IGSF22: variants seen among roughly 807,000 people sequenced by gnomAD.
IGSF22 encodes the protein immunoglobulin superfamily, member 22.
Under a neutral mutation model 127.0 loss-of-function variants are expected in IGSF22, and 119 were observed. That is an observed-to-expected ratio of 0.94 (90% CI 0.81 to 1.09). The LOEUF (loss-of-function observed/expected upper bound fraction) is 1.09, where lower values mean the gene tolerates loss of function less well. Ranked by LOEUF, IGSF22 falls within the 50% of genes least tolerant of loss-of-function variation. The pLI is 0.00. For synonymous variants in IGSF22, 568 were observed against 664.7 expected, an observed-to-expected ratio of 0.85 and a Z score of 2.24; for missense variants, 1,518 against 1,716.6, an observed-to-expected ratio of 0.88 and a Z score of 2.04.
rs376773770 is a variant in IGSF22 at position 18,722,651 on chromosome 11, TACAG to T, written c.110-614_110-611del. Among the ~76,000 whole-genome samples the T allele has an allele frequency of 7.1e-3, 1,089 of 152,338 alleles. 4 individuals carry two copies. Among genetic ancestry groups the T allele is most frequent in the Non-Finnish European group, 9.8e-3 (670 of 68,030 alleles). ...AAAAACTGTTTTTGCAGTATAAAACTACAGACAATCTTCTTGGCTGGTGAGTTAT... is the reference window on the plus strand; with the variant it reads ...AAAAACTGTTTTTGCAGTATAAAACTACAATCTTCTTGGCTGGTGAGTTAT... On this transcript the variant is annotated intron_variant, in intron 2 of 22. Coordinates refer to ENST00000513874, the MANE Select transcript of IGSF22 (RefSeq NM_173588.4).
intron 4 of IGSF22, 95 bp from the exon 5 acceptor site, chr11:18,720,380 G>T: frequency 1.2e-6 from 1 of 821,720 alleles, no homozygotes. Flanking sequence ...TTTTTTAGGG[G>T]ACAATAGGAA....
At chr11:18,704,620 G>C in intron 22 of IGSF22, 82 bp from the exon 23 acceptor site, 2 of 887,020 alleles carry the variant, frequency 2.3e-6, no homozygotes, top group South Asian at 2.8e-5. Flanking sequence ...TCCTATGCAG[G>C]AAACCAGGAG....
intron 21 of IGSF22, 72 bp from the exon 22 acceptor site, chr11:18,706,218 C>G (rs1848227945): frequency 7.2e-7 from 1 of 1,384,316 alleles, no homozygotes; most frequent in Non-Finnish European, 9.6e-7. Context: ...TCTTACAGTT[C>G]AGCTTACACG....
rs771113307 is a variant in IGSF22 at position 18,717,993 on chromosome 11, T to C, written c.911A>G (p.Asp304Gly). The change falls in exon 9 of 23, where the codon GAT (aspartate) becomes GGT (glycine). Residue 304 changes from aspartate (D) to glycine (G), a missense_variant. Physicochemically the swap from Asp to Gly is moderately conservative, Grantham distance 94. Coordinates refer to ENST00000513874, the MANE Select transcript of IGSF22 (RefSeq NM_173588.4). ...CACGGACAGGCTGTAGATGCCAGCA[T>C]CGTTCATGTTCACGTTGCTAATAAC... is the stretch of plus-strand genomic sequence containing the variant. The part of the protein sequence containing the change: ...MLVISNVNMN[D>G]AGIYSLSVGD... The C allele has an allele frequency of 6.2e-7, 1 of 1,614,258 alleles. No homozygotes were observed. The highest frequency in any genetic ancestry group is 8.5e-7 in the Non-Finnish European group (1 of 1,180,046).
chr11:18,706,395 C>T (rs1590433547), intron 21 of IGSF22: 1 of 543,484 alleles, frequency 1.8e-6, no homozygotes. Flanking sequence ...TCCCACACCC[C>T]TGGGGCCGAG....
intron 21 of IGSF22, chr11:18,706,650 G>T: frequency 2.5e-6 from 1 of 392,522 alleles, no homozygotes; most frequent in Non-Finnish European, 4.5e-6. Context: ...AGAGCAGAAC[G>T]CGTTTGCGCT....
Position 18,705,937 on chromosome 11 carries a change from T to C in IGSF22, c.3790A>G (p.Thr1264Ala). ...ATGACGAGGGTGCACACGCCGCTGGTGGAGTTGTACCAGAACTTGGAGTTG... is the reference window on the plus strand; with the variant it reads ...ATGACGAGGGTGCACACGCCGCTGGCGGAGTTGTACCAGAACTTGGAGTTG... ...TANSKFWYNS[T>A]SGVCTLVIPT... Residue 1264 changes from threonine (T) to alanine (A), a missense_variant, in exon 22 of 23, where the codon ACC (threonine) becomes GCC (alanine). By Grantham distance (58) the Thr-to-Ala change is moderately conservative. Around this residue, in one of 3 missense-constraint regions of IGSF22, gnomAD observed 1,456 missense variants for 1,644.9 expected, o/e 0.89. Coordinates refer to ENST00000513874, the MANE Select transcript of IGSF22 (RefSeq NM_173588.4). 1.3e-6 allele frequency: 2 copies of C among 1,551,616 alleles called. No homozygotes were observed. The highest frequency in any genetic ancestry group is 8.7e-7 in the Non-Finnish European group (1 of 1,146,958).
intron 7 of IGSF22, among the ~76,000 whole-genome samples, chr11:18,719,276 C>T (rs1419425222): frequency 6.6e-6 from 1 of 151,682 alleles, no homozygotes; most frequent in East Asian, 1.9e-4. Flanking sequence ...TCCCAAGTAG[C>T]TGGGATTACA....
At position 18,718,072 on chromosome 11, in the gene IGSF22, G is replaced by A. The variant is rs779069071; in HGVS notation, c.832C>T (p.Gln278Ter). 2 of 1,614,128 alleles carry A rather than the reference G, an allele frequency of 1.2e-6. No individual in the cohort carries two copies. The highest frequency in any genetic ancestry group is 1.7e-6 in the Non-Finnish European group (2 of 1,179,996). ...WIKGTEPLRIQYSLGKYDVKQ... is the reference protein window; with the variant it reads ...WIKGTEPLRI The stretch of plus-strand genomic sequence containing the variant: ...ACATCGTACTTGCCCAGGGAGTACT[G>A]GATCCTCAGTGGCTCAGTACCCTGC... Residue 278 changes from glutamine (Q) to a stop codon, truncating the protein, a stop_gained, in exon 9 of 23, where the codon CAG (glutamine) becomes TAG (stop). Coordinates refer to ENST00000513874, the MANE Select transcript of IGSF22 (RefSeq NM_173588.4). LOFTEE classifies it high-confidence loss of function.
rs1296815609 is a variant in IGSF22 at position 18,718,723 on chromosome 11, G to C, written c.702C>G (p.Ile234Met). Residue 234 changes from isoleucine (I) to methionine (M), a missense_variant, in exon 8 of 23, where the codon ATC (isoleucine) becomes ATG (methionine). Physicochemically the swap from Ile to Met is conservative, Grantham distance 10. Coordinates refer to ENST00000513874, the MANE Select transcript of IGSF22 (RefSeq NM_173588.4). ...TGTCTTCCAGGGGCTTCAGAATCCG[G>C]ATGGCCTGAGAGATTATGATAATAA... ...EMKKKVEVEA[I>M]RILKPLEDKE... 6.3e-7 allele frequency: 1 copy of C among 1,597,680 alleles called. No individual in the cohort carries two copies. Among genetic ancestry groups the C allele is most frequent in the East Asian group, 2.2e-5 (1 of 44,756 alleles).
Position 18,716,630 on chromosome 11 carries a change from G to A in IGSF22, c.1246+98C>T, listed in dbSNP as rs1848467520. The stretch of plus-strand genomic sequence containing the variant: ...TACCTACCACAGGGCTTTGCAAAAA[G>A]GAGATGGATGGATAGATGGATATAT... On this transcript the variant is annotated intron_variant, in intron 10 of 22. Transcript: ENST00000513874. This position sits in a 1 kb window ranked among gnomAD's most constrained non-coding sequence, Gnocchi z 4.5. 13 of 1,303,216 alleles carry A rather than the reference G, an allele frequency of 1.0e-5. No individual in the cohort carries two copies. The Admixed American group carries it at 2.4e-4, about 24-fold the overall frequency. The allele number at this position is 1,303,216 out of a possible 1,614,324, so 80.7% of individuals were successfully genotyped here. A position where few individuals can be genotyped will look rare whatever the true frequency, so the allele number is the denominator to read the frequency against.
rs781312035 is a variant in IGSF22, at chr11:18,707,899, A to G, written c.3185T>C (p.Ile1062Thr). Residue 1062 changes from isoleucine (I) to threonine (T), a missense_variant, in exon 20 of 23, where the codon ATT becomes ACT. By Grantham distance (89) the Ile-to-Thr change is moderately conservative. Transcript: ENST00000513874. ...TKSKNHSQFL[I>T]NSTKRSDSGV... Reference sequence around the variant, plus strand: ...TGAGTCAGAGCGCTTGGTGCTATTAATGAGGAACTGGGAGTGGTTTTTGCT... The same window carrying G: ...TGAGTCAGAGCGCTTGGTGCTATTAGTGAGGAACTGGGAGTGGTTTTTGCT... The G allele has an allele frequency of 1.2e-6, 2 of 1,614,186 alleles. No individual in the cohort carries two copies. The highest frequency in any genetic ancestry group is 3.3e-5 in the Admixed American group (2 of 60,016).
intron 9 of IGSF22, 45 bp downstream of exon 9, chr11:18,717,886 A>G: frequency 1.9e-6 from 3 of 1,593,908 alleles, no homozygotes; most frequent in Non-Finnish European, 2.6e-6. Flanking sequence ...CCTCTCTTCC[A>G]ACCCGACATG....
intron 2 of IGSF22, 56 bp from the exon 3 acceptor site, chr11:18,722,097 T>A (rs1848585406): frequency 1.2e-6 from 2 of 1,605,438 alleles, no homozygotes; most frequent in South Asian, 2.2e-5. Flanking sequence ...CAGCTCGCGA[T>A]GGGAGGACAG....
Position 18,707,910 on chromosome 11 carries a change from G to A in IGSF22, c.3174C>T (p.Ser1058=). 1 of 1,614,214 alleles carries A rather than the reference G, an allele frequency of 6.2e-7. No individual in the cohort carries two copies. Among genetic ancestry groups the A allele is most frequent in the East Asian group, 2.2e-5 (1 of 44,886 alleles). The change falls in exon 20 of 23, where the codon TCC becomes TCT. Residue 1058 remains serine (S), a synonymous_variant. Coordinates refer to ENST00000513874, the MANE Select transcript of IGSF22 (RefSeq NM_173588.4). ...GCTTGGTGCTATTAATGAGGAACTG[G>A]GAGTGGTTTTTGCTCTTGGTAATTG... ...RETITKSKNH[S]QFLINSTKRS...
At chr11:18,722,080 A>C (rs1445652683) in intron 2 of IGSF22, 39 bp from the exon 3 acceptor site, 7 of 1,610,334 alleles carry the variant, frequency 4.3e-6, no homozygotes, top group Non-Finnish European at 5.1e-6. Flanking sequence ...GGCTCCAGGT[A>C]GAAGCCCAGC....
Position 18,707,992 on chromosome 11 carries a change from G to T in IGSF22, c.3092C>A (p.Ser1031Ter), listed in dbSNP as rs746809805. ...CTGCCAGATCACGTCAGGTGGTGGTGAGCCCTGAGTAGTGACAGGAGATGG... is the reference window on the plus strand; with the variant it reads ...CTGCCAGATCACGTCAGGTGGTGGTTAGCCCTGAGTAGTGACAGGAGATGG... ...ALCIHAAFSG[S>*]PPPDVIWQKD... Residue 1031 changes from serine to a stop codon, truncating the protein, a stop_gained, in exon 20 of 23, where the codon TCA (serine) becomes TAA (stop). Coordinates refer to ENST00000513874, the MANE Select transcript of IGSF22 (RefSeq NM_173588.4). LOFTEE classifies it high-confidence loss of function. The T allele has an allele frequency of 2.5e-6, 4 of 1,614,048 alleles. No homozygotes were observed. The South Asian group carries it at 3.3e-5, about 13-fold the overall frequency.
rs765643722 is a variant in IGSF22 at position 18,719,712 on chromosome 11, T to C, written c.696+4A>G. 6.2e-7 allele frequency: 1 copy of C among 1,613,906 alleles called. No homozygotes were observed. The highest frequency in any genetic ancestry group is 1.1e-5 in the South Asian group (1 of 91,068). On this transcript the variant is annotated splice_donor_region_variant and intron_variant, in intron 7 of 22. Coordinates refer to ENST00000513874, the MANE Select transcript of IGSF22 (RefSeq NM_173588.4). ...CAGGCCCCTGCTCCCTGCAGGGTAC[T>C]TACCTCCACCTCTACTTTCTTCTTC...
Position 18,717,955 on chromosome 11 carries a change from T to C in IGSF22, c.949A>G (p.Met317Val). Reference sequence around the variant, plus strand: ...CCCAGCACTGTGAGCTCTGCACTCATCCGCTTATCGCCCACGGACAGGCTG... The same window carrying C: ...CCCAGCACTGTGAGCTCTGCACTCACCCGCTTATCGCCCACGGACAGGCTG... ...IYSLSVGDKR[M>V]SAELTVLDEP... The change falls in exon 9 of 23, where the codon ATG becomes GTG. Residue 317 changes from methionine to valine, a missense_variant. Met to Val is a conservative substitution (Grantham distance 21, BLOSUM62 1). Coordinates refer to ENST00000513874, the MANE Select transcript of IGSF22 (RefSeq NM_173588.4). 6.2e-7 allele frequency: 1 copy of C among 1,614,212 alleles called. No homozygotes were observed. Among genetic ancestry groups the C allele is most frequent in the Non-Finnish European group, 8.5e-7 (1 of 1,180,028 alleles).
Sources: gnomAD v4.1 joint callset for allele counts (sites outside exome capture counted in the v4.1 genomes callset) on GRCh38, gnomAD v4.1.1 for gene constraint, gnomAD v4.1.1 regional missense constraint, Gnocchi (gnomAD v3.1) non-coding constraint, MANE v1.5 for transcripts, NCBI Gene and HGNC (gene_info 2026-07-23, HGNC 2026-07-21) for gene names.